Variants in MCHR2 observed in about 807,000 individuals in gnomAD.
MCHR2 encodes the protein melanin concentrating hormone receptor 2.
Under a neutral mutation model 24.8 loss-of-function variants are expected in MCHR2, and 15 were observed. The ratio of observed to expected loss-of-function variants is 0.60; its 90% CI spans 0.40 to 0.93. MCHR2 has a LOEUF of 0.93. MCHR2 is among the 40% of genes least tolerant of loss of function. The pLI, the probability that MCHR2 is intolerant of heterozygous loss-of-function variation, is 0.00. For missense variants in MCHR2, 386 were observed against 408.7 expected, an observed-to-expected ratio of 0.94 and a Z score of 0.48; for synonymous variants, 151 against 147.6, an observed-to-expected ratio of 1.02 and a Z score of -0.17.
chr6:99,928,473 C>G (rs1774423415), intron 5 of MCHR2, among the ~76,000 whole-genome samples: 1 of 151,918 alleles, frequency 6.6e-6, no homozygotes, highest in Admixed American at 6.6e-5. Flanking sequence ...GTCCTGGACT[C>G]TTTTTGGTTG....
chr6:99,967,622 GA>G, intron 1 of MCHR2, among the ~76,000 whole-genome samples: 2 of 152,072 alleles, frequency 1.3e-5, no homozygotes, highest in South Asian at 2.1e-4. Context: ...AAATATCAGG[GA>G]AAAAAATCAT....
At chr6:99,964,584 G>A (rs950381119) in intron 1 of MCHR2, among the ~76,000 whole-genome samples, 3 of 152,050 alleles carry the variant, frequency 2.0e-5, no homozygotes, top group African/African-American at 4.8e-5. Context: ...CAGACCTCAT[G>A]AGACTCACTC....
At chr6:99,977,527 G>A (rs534520132) in intron 1 of MCHR2, among the ~76,000 whole-genome samples, 1 of 152,008 alleles carries the variant, frequency 6.6e-6, no homozygotes, top group Non-Finnish European at 1.5e-5. Context: ...TTGTCTTTGT[G>A]AGCCCATTCC....
intron 3 of MCHR2, among the ~76,000 whole-genome samples, chr6:99,943,442 G>A (rs919878032): frequency 7.9e-5 from 12 of 150,970 alleles, no homozygotes; most frequent in Admixed American, 2.6e-4. Flanking sequence ...CCATTAACTC[G>A]TCATTTAGCA....
At chr6:99,975,186 G>A (rs967741430) in intron 1 of MCHR2, among the ~76,000 whole-genome samples, 3 of 152,208 alleles carry the variant, frequency 2.0e-5, no homozygotes, top group African/African-American at 7.2e-5. Flanking sequence ...AGCCTACAGA[G>A]GCAGGCAGGT....
Position 99,920,829 on chromosome 6 carries a change from T to TA in MCHR2, c.*110_*111insT. The TA allele has an allele frequency of 9.5e-7, 1 of 1,057,690 alleles. No homozygotes were observed. The highest frequency in any genetic ancestry group is 2.4e-5 in the East Asian group (1 of 41,898). The allele number at this position is 1,057,690 out of a possible 1,614,324, so 65.5% of individuals were successfully genotyped here. A position where few individuals can be genotyped will look rare whatever the true frequency, so the allele number is the denominator to read the frequency against. On this transcript the variant is annotated 3_prime_UTR_variant, in exon 6 of 6. Transcript: ENST00000281806. The stretch of plus-strand genomic sequence containing the variant: ...CACTTCTCTTCCATGCTGCTAAGAG[T>TA]CACAAGTACACAAGAAGAATGGGCA...
intron 1 of MCHR2, among the ~76,000 whole-genome samples, chr6:99,962,651 A>C (rs1775214791): frequency 6.6e-6 from 1 of 152,182 alleles, no homozygotes; most frequent in African/African-American, 2.4e-5. Flanking sequence ...CTCCTCGAAG[A>C]AAACATAGGG....
chr6:99,978,150 T>C (rs1775590807), intron 1 of MCHR2, among the ~76,000 whole-genome samples: 1 of 152,190 alleles, frequency 6.6e-6, no homozygotes, highest in Non-Finnish European at 1.5e-5. Context: ...AGGTTTCCAC[T>C]TGATTAGCAG....
At chr6:99,925,838 T>TTTA (rs1455639020) in intron 5 of MCHR2, among the ~76,000 whole-genome samples, 1 of 151,380 alleles carries the variant, frequency 6.6e-6, no homozygotes, top group East Asian at 1.9e-4. Context: ...TATTTTTTAT[T>TTTA]TTATTATTAT....
chr6:99,937,102 T>C (rs1354070750), intron 4 of MCHR2, among the ~76,000 whole-genome samples: 5 of 151,948 alleles, frequency 3.3e-5, no homozygotes, highest in Non-Finnish European at 7.4e-5. Flanking sequence ...GTTTTAATAG[T>C]TTTTTGGTGA....
Position 99,942,058 on chromosome 6 carries a change from C to A in MCHR2, c.587+891G>T, listed in dbSNP as rs1255242543. The stretch of plus-strand genomic sequence containing the variant: ...GCTCAAATAATTTAATCATGAACTC[C>A]AATTCTGTGTTCAAATTTCAAATTG... On this transcript the variant is annotated intron_variant, in intron 4 of 5. Transcript: ENST00000281806. 5.3e-5 allele frequency among the ~76,000 whole-genome samples: 8 copies of A among 152,088 alleles called. No homozygotes were observed. In the East Asian group the frequency reaches 1.5e-3, roughly 29 times the overall value.
At chr6:99,942,808 A>T in intron 4 of MCHR2, 141 bp downstream of exon 4, 1 of 570,706 alleles carries the variant, frequency 1.8e-6, no homozygotes, top group South Asian at 4.0e-5. Flanking sequence ...CCTTGATTGT[A>T]TGTGTGGAGA....
intron 1 of MCHR2, among the ~76,000 whole-genome samples, chr6:99,960,499 A>G (rs1775162737): frequency 6.6e-6 from 1 of 152,202 alleles, no homozygotes; most frequent in Admixed American, 6.5e-5. Context: ...TTCATATGGA[A>G]CCAAAAAAGA....
rs987705861 is a variant in MCHR2, at chr6:99,974,693, A to G, written c.-27-18519T>C. ...GTTTTTTCCCCATCTTTGTGGTTTT[A>G]TCTACTTTTGGTCTTTGATGATGGT... is the stretch of plus-strand genomic sequence containing the variant. On this transcript the variant is annotated intron_variant, in intron 1 of 5. Coordinates refer to ENST00000281806, the MANE Select transcript of MCHR2 (RefSeq NM_001040179.2). 2.4e-4 allele frequency among the ~76,000 whole-genome samples: 37 copies of G among 151,934 alleles called. 1 individual carries two copies. Among genetic ancestry groups the G allele is most frequent in the South Asian group, 2.1e-4 (1 of 4,822 alleles).
intron 1 of MCHR2, among the ~76,000 whole-genome samples, chr6:99,988,922 A>C (rs1775815961): frequency 1.3e-5 from 2 of 152,144 alleles, no homozygotes; most frequent in South Asian, 4.1e-4. Context: ...TTTATTTATG[A>C]CTAATGTTAG....
At chr6:99,992,915 C>T (rs1464068168) in intron 1 of MCHR2, among the ~76,000 whole-genome samples, 15 of 152,144 alleles carry the variant, frequency 9.9e-5, no homozygotes, top group Non-Finnish European at 4.4e-5. Flanking sequence ...GCATCCCCAC[C>T]CCCCCATCTC....
chr6:99,951,078 T>C (rs1453050210), intron 2 of MCHR2, among the ~76,000 whole-genome samples: 2 of 152,050 alleles, frequency 1.3e-5, no homozygotes, highest in Non-Finnish European at 2.9e-5. Context: ...CAGCCCAGAC[T>C]CCTGAGGACT....
chr6:99,925,214 A>C (rs1198778680), intron 5 of MCHR2, among the ~76,000 whole-genome samples: 1 of 145,250 alleles, frequency 6.9e-6, no homozygotes, highest in Non-Finnish European at 1.5e-5. Flanking sequence ...TGATATGACT[A>C]CTCCTGCTTT....
In MCHR2 at chr6:99,920,629, T is replaced by A; in HGVS notation, c.*311A>T. The A allele has an allele frequency of 3.8e-6, 1 of 264,958 alleles. No homozygotes were observed. The highest frequency in any genetic ancestry group is 7.3e-6 in the Non-Finnish European group (1 of 136,956). 16.4% of individuals were successfully genotyped at this position (264,958 alleles called of 1,614,324 possible). A position where few individuals can be genotyped will look rare whatever the true frequency, so the allele number is the denominator to read the frequency against. ...GTCAGGTTCCTTGGTGAGTTTTGAG[T>A]CAATGGTCATGGATGGCCATTTTCA... On this transcript the variant is annotated 3_prime_UTR_variant, in exon 6 of 6. Transcript: ENST00000281806.
Sources: allele counts gnomAD v4.1 joint callset (sites outside exome capture counted in the v4.1 genomes callset), GRCh38; gene constraint gnomAD v4.1.1; transcripts MANE v1.5; gene names NCBI Gene and HGNC (gene_info 2026-07-23, HGNC 2026-07-21).